The following OCIAD1 variants were observed in gnomAD, a reference collection of about 807,000 sequenced individuals.
The protein encoded by OCIAD1 is OCIA domain containing 1.
OCIAD1 carries 29 observed loss-of-function variants against 38.9 expected under a neutral mutation model. The ratio of observed to expected loss-of-function variants is 0.74; its 90% CI spans 0.55 to 1.02. The LOEUF is 1.02. Among genes scored for constraint, OCIAD1 ranks in the 50% least tolerant of loss-of-function variants. The probability of loss-of-function intolerance (pLI) is 0.00; values close to 1 mark genes in which losing one functional copy is unlikely to be tolerated. For missense variants in OCIAD1, 288 were observed against 289.6 expected, an observed-to-expected ratio of 0.99 and a Z score of 0.04; for synonymous variants, 110 against 92.0, an observed-to-expected ratio of 1.20 and a Z score of -1.12.
chr4:48,852,023 A>G (rs1313540769), intron 7 of OCIAD1, 48 bp downstream of exon 7: 3 of 1,446,288 alleles, frequency 2.1e-6, no homozygotes, highest in East Asian at 2.4e-5. Context: ...GGTCCAACGT[A>G]TGTATAAACT....
Position 48,832,600 on chromosome 4 carries a change from A to G in OCIAD1, c.-5-20A>G, listed in dbSNP as rs2109511957. On this transcript the variant is annotated intron_variant, in intron 1 of 8. Coordinates refer to ENST00000264312, the MANE Select transcript of OCIAD1 (RefSeq NM_017830.4). ...CTAGTGATAGTTTCTAATACTTAAT[A>G]TGTAATGTTTTTGATACAGGAAAGA... 3.1e-6 allele frequency: 5 copies of G among 1,594,984 alleles called. No homozygotes were observed. Among genetic ancestry groups the G allele is most frequent in the Admixed American group, 3.3e-5 (2 of 59,998 alleles).
rs1313494630 is a variant in OCIAD1 at position 48,859,042 on chromosome 4, T to G, written c.700+1677T>G. On this transcript the variant is annotated intron_variant, in intron 8 of 8. Coordinates refer to ENST00000264312, the MANE Select transcript of OCIAD1 (RefSeq NM_017830.4). ...ACTTTAAAAATGGAAATAATAGGTC[T>G]TTGGTACCTTCTTGAAGGTCATATG... Among the ~76,000 whole-genome samples the G allele has an allele frequency of 2.0e-5, 3 of 152,344 alleles. No homozygotes were observed. In the South Asian group the frequency reaches 6.2e-4, roughly 32 times the overall value.
intron 7 of OCIAD1, among the ~76,000 whole-genome samples, chr4:48,855,171 A>G (rs1054096189): frequency 2.0e-5 from 3 of 152,218 alleles, no homozygotes; most frequent in Admixed American, 2.0e-4. Flanking sequence ...ATATTTCGCA[A>G]TTGAGAAAAC....
At position 48,810,168 on chromosome 4, in the gene OCIAD1, C is replaced by T. The variant is rs530687131; in HGVS notation, c.-103+4838C>T. Among the ~76,000 whole-genome samples the T allele has an allele frequency of 1.0e-3, 155 of 152,024 alleles. 1 individual carries two copies. Among genetic ancestry groups the T allele is most frequent in the African/African-American group, 3.6e-3 (150 of 41,488 alleles). Reference sequence around the variant, plus strand: ...AATCTAGATTTTTAGGAGCAGAGTGCGTTAGCTTTTTAGGAACTCGGTGTG... The same window carrying T: ...AATCTAGATTTTTAGGAGCAGAGTGTGTTAGCTTTTTAGGAACTCGGTGTG... On this transcript the variant is annotated intron_variant, in intron 1 of 6. Coordinates refer to the OCIAD1 transcript ENST00000504654.
At chr4:48,845,047 A>G (rs531563005) in intron 4 of OCIAD1, among the ~76,000 whole-genome samples, 3 of 152,066 alleles carry the variant, frequency 2.0e-5, no homozygotes, top group East Asian at 3.9e-4. Flanking sequence ...TTTCATCCAC[A>G]GTGTGTCATA....
At chr4:48,826,034 C>T (rs1218291958) in intron 1 of OCIAD1, among the ~76,000 whole-genome samples, 7 of 151,984 alleles carry the variant, frequency 4.6e-5, no homozygotes, top group South Asian at 2.1e-4. Context: ...GACAGGGTTT[C>T]GCCGTGTTGG....
At chr4:48,831,678 T>G (rs1287613859) in intron 1 of OCIAD1, 1 of 636,710 alleles carries the variant, frequency 1.6e-6, no homozygotes, top group African/African-American at 1.9e-5. Flanking sequence ...AATAAGAGGG[T>G]TTCATTTTTT....
At chr4:48,806,387 A>G (rs1327919034) in intron 1 of OCIAD1, among the ~76,000 whole-genome samples, 3 of 152,106 alleles carry the variant, frequency 2.0e-5, no homozygotes, top group Non-Finnish European at 2.9e-5. Context: ...GTTAGTTTTC[A>G]TTCTTTTCCA....
chr4:48,823,957 A>G (rs559495028), intron 1 of OCIAD1, among the ~76,000 whole-genome samples: 1 of 142,108 alleles, frequency 7.0e-6, no homozygotes, highest in Non-Finnish European at 1.5e-5. Context: ...GTGAGCCACT[A>G]CACCTGGCTT....
chr4:48,825,341 T>C (rs951020818), intron 1 of OCIAD1, among the ~76,000 whole-genome samples: 2 of 152,138 alleles, frequency 1.3e-5, no homozygotes, highest in Non-Finnish European at 2.9e-5. Context: ...ATCTAACACA[T>C]GAATCCAGGT....
upstream of OCIAD1, among the ~76,000 whole-genome samples, chr4:48,830,276 G>A (rs564607726): frequency 2.2e-4 from 33 of 152,282 alleles, no homozygotes; most frequent in South Asian, 5.8e-3. Flanking sequence ...GTATGTCTTC[G>A]GGAGAATAAA....
At chr4:48,836,945 T>G (rs1231034418) in intron 3 of OCIAD1, among the ~76,000 whole-genome samples, 1 of 152,188 alleles carries the variant, frequency 6.6e-6, no homozygotes, top group African/African-American at 2.4e-5. Context: ...TTCTATAAAA[T>G]TTTCATGGCT....
intron 1 of OCIAD1, 67 bp from the exon 2 acceptor site, chr4:48,832,553 G>A (rs1777603815): frequency 1.7e-6 from 2 of 1,160,636 alleles, no homozygotes; most frequent in Non-Finnish European, 2.6e-6. Flanking sequence ...TATATCATAC[G>A]TCTTGATTTA....
Position 48,831,189 on chromosome 4 carries a change from C to A in OCIAD1, c.-66C>A, listed in dbSNP as rs190145403. The A allele has an allele frequency of 3.0e-6, 1 of 332,282 alleles. No individual in the cohort carries two copies. The highest frequency in any genetic ancestry group is 7.9e-5 in the East Asian group (1 of 12,606). The allele number at this position is 332,282 out of a possible 1,614,324, so 20.6% of individuals were successfully genotyped here. ...CCTGCCCCCTCTCGAGTCCACCCTC[C>A]GGGCCTTCTGCCCCTGATCGCTTGG... On this transcript the variant is annotated 5_prime_UTR_variant, in exon 1 of 9. Transcript: ENST00000264312.
Position 48,831,259 on chromosome 4 carries a change from G to C in OCIAD1, c.-6+10G>C. On this transcript the variant is annotated intron_variant, in intron 1 of 8. Transcript: ENST00000264312. Reference sequence around the variant, plus strand: ...CTGCTGTCGTCGGGAGGTGGGTGAGGTGACGCAAACAGCCCCGTTGTTGCC... The same window carrying C: ...CTGCTGTCGTCGGGAGGTGGGTGAGCTGACGCAAACAGCCCCGTTGTTGCC... 2.9e-6 allele frequency: 1 copy of C among 345,346 alleles called. No homozygotes were observed. The highest frequency in any genetic ancestry group is 2.1e-5 in the South Asian group (1 of 47,086). 21.4% of individuals were successfully genotyped at this position (345,346 alleles called of 1,614,324 possible).
intron 1 of OCIAD1, among the ~76,000 whole-genome samples, chr4:48,812,190 G>A (rs536360968): frequency 7.1e-6 from 1 of 141,338 alleles, no homozygotes; most frequent in South Asian, 2.4e-4. Flanking sequence ...GGCTGAGGCA[G>A]GAGAATAGCT....
chr4:48,806,255 ACT>A (rs893371705), intron 1 of OCIAD1, among the ~76,000 whole-genome samples: 1 of 152,114 alleles, frequency 6.6e-6, no homozygotes, highest in African/African-American at 2.4e-5. Flanking sequence ...TGACAGTGAC[ACT>A]CTGTCTCAAT....
intron 1 of OCIAD1, among the ~76,000 whole-genome samples, chr4:48,816,686 G>C (rs912396474): frequency 2.6e-5 from 4 of 151,960 alleles, no homozygotes; most frequent in Non-Finnish European, 5.9e-5. Flanking sequence ...AATTTGAAAC[G>C]GTGGCAGGGC....
chr4:48,820,126 T>C (rs1373918869), intron 1 of OCIAD1, among the ~76,000 whole-genome samples: 2 of 152,138 alleles, frequency 1.3e-5, no homozygotes, highest in African/African-American at 2.4e-5. Flanking sequence ...TAGCACGTAT[T>C]CTAAAATCGA....
Sources: allele counts gnomAD v4.1 joint callset (sites outside exome capture counted in the v4.1 genomes callset), GRCh38; gene constraint gnomAD v4.1.1; transcripts MANE v1.5; gene names NCBI Gene and HGNC (gene_info 2026-07-23, HGNC 2026-07-21).